Variants in GUCY1A1 observed in about 807,000 individuals in gnomAD.
GUCY1A1 encodes guanylate cyclase soluble subunit alpha-1.
A neutral mutation model predicts 64.5 loss-of-function variants in GUCY1A1; 48 were observed. The observed-to-expected ratio is 0.74, with a 90% confidence interval of 0.59 to 0.95. The LOEUF is 0.95. GUCY1A1 is among the 40% of genes least tolerant of loss of function. GUCY1A1 has a pLI of 0.00. For missense variants in GUCY1A1, 804 were observed against 825.3 expected (o/e 0.97, Z 0.32); for synonymous variants, 308 against 303.4 (o/e 1.02, Z -0.16).
chr4:155,725,548 C>T (rs1344289564), intron 9 of GUCY1A1, among the ~76,000 whole-genome samples: 3 of 152,058 alleles, frequency 2.0e-5, no homozygotes, highest in African/African-American at 7.2e-5. Flanking sequence ...AGGAATCCTA[C>T]CTTAAAACAA....
rs902157977 is a variant in GUCY1A1 at position 155,730,602 on chromosome 4, T to A, written c.*371T>A. On this transcript the variant is annotated 3_prime_UTR_variant, in exon 10 of 10. Coordinates refer to ENST00000506455, the MANE Select transcript of GUCY1A1 (RefSeq NM_001130682.3). Reference sequence around the variant, plus strand: ...TGGTGGAATGCCATGGTTATTAAAGTGTGTTTGTGATAGTGTCGTCAAAAA... The same window carrying A: ...TGGTGGAATGCCATGGTTATTAAAGAGTGTTTGTGATAGTGTCGTCAAAAA... The A allele has an allele frequency of 1.2e-5, 2 of 160,542 alleles. No homozygotes were observed. Among genetic ancestry groups the A allele is most frequent in the Admixed American group, 6.2e-5 (1 of 16,094 alleles). The allele number at this position is 160,542 out of a possible 1,614,324, so 9.9% of individuals were successfully genotyped here. A position where few individuals can be genotyped will look rare whatever the true frequency, so the allele number is the denominator to read the frequency against.
intron 3 of GUCY1A1, among the ~76,000 whole-genome samples, chr4:155,700,944 T>C (rs948356766): frequency 1.3e-5 from 2 of 152,218 alleles, no homozygotes; most frequent in Non-Finnish European, 2.9e-5. Flanking sequence ...TGTTGGGGTA[T>C]GGAGCAGTCC....
chr4:155,709,784 G>A (rs987777473), intron 5 of GUCY1A1, among the ~76,000 whole-genome samples: 2 of 151,970 alleles, frequency 1.3e-5, no homozygotes, highest in African/African-American at 4.8e-5. Flanking sequence ...AGTGAGCCGA[G>A]ATCGCACCAC....
intron 3 of GUCY1A1, among the ~76,000 whole-genome samples, chr4:155,697,710 T>C (rs150470257): frequency 3.9e-5 from 6 of 152,318 alleles, no homozygotes; most frequent in Non-Finnish European, 7.3e-5. Context: ...GTCATGAGCC[T>C]GTGATTGCCT....
Position 155,731,142 on chromosome 4 carries a change from A to G in GUCY1A1, c.*911A>G, listed in dbSNP as rs1281721393. 2.0e-5 allele frequency: 3 copies of G among 152,464 alleles called. No homozygotes were observed. Among genetic ancestry groups the G allele is most frequent in the Non-Finnish European group, 4.4e-5 (3 of 67,866 alleles). 9.4% of individuals were successfully genotyped at this position (152,464 alleles called of 1,614,324 possible). A position where few individuals can be genotyped will look rare whatever the true frequency, so the allele number is the denominator to read the frequency against. ...GACCCACCATAAAGGACATTGGTAA[A>G]ACATTTACACACGTAAACACACGTG... On this transcript the variant is annotated 3_prime_UTR_variant, in exon 10 of 10. Transcript: ENST00000506455.
intron 9 of GUCY1A1, among the ~76,000 whole-genome samples, chr4:155,729,330 G>A (rs576350632): frequency 1.3e-5 from 2 of 151,862 alleles, no homozygotes; most frequent in African/African-American, 4.8e-5. Context: ...GATGCCAATA[G>A]CTTAATCAGT....
intron 2 of GUCY1A1, among the ~76,000 whole-genome samples, chr4:155,670,987 A>G (rs544861761): frequency 1.3e-5 from 2 of 152,270 alleles, no homozygotes; most frequent in East Asian, 1.9e-4. Context: ...GCTATGTCAC[A>G]TGACATTGAA....
chr4:155,711,321 A>G (rs182354419), intron 6 of GUCY1A1, 70 bp downstream of exon 6: 378 of 749,680 alleles, frequency 5.0e-4, no homozygotes, highest in Non-Finnish European at 7.7e-4. Context: ...ACAAAAGGGT[A>G]AAAATATATG....
At chr4:155,724,109 G>A (rs544750285) in intron 9 of GUCY1A1, among the ~76,000 whole-genome samples, 2 of 152,130 alleles carry the variant, frequency 1.3e-5, no homozygotes, top group Admixed American at 1.3e-4. Context: ...AGCTACCCCA[G>A]TACTCATCTC....
At chr4:155,722,534 C>A (rs2126949631) in intron 9 of GUCY1A1, 1 of 694,152 alleles carries the variant, frequency 1.4e-6, no homozygotes, top group Non-Finnish European at 1.8e-6. Context: ...TGGCAGTAAA[C>A]ACCCAGACTC....
intron 4 of GUCY1A1, among the ~76,000 whole-genome samples, chr4:155,706,899 T>C (rs1489742331): frequency 6.6e-6 from 1 of 152,192 alleles, no homozygotes; most frequent in Non-Finnish European, 1.5e-5. Context: ...CAGTTAAAAC[T>C]GCAAAAAAAT....
chr4:155,691,974 A>T (rs781755536), intron 2 of GUCY1A1, among the ~76,000 whole-genome samples: 1 of 152,010 alleles, frequency 6.6e-6, no homozygotes, highest in Admixed American at 6.5e-5. Context: ...GGCCCCAGTG[A>T]GTGTTGTTCC....
intron 2 of GUCY1A1, among the ~76,000 whole-genome samples, chr4:155,681,708 C>T (rs1735801149): frequency 6.6e-6 from 1 of 152,154 alleles, no homozygotes; most frequent in Non-Finnish European, 1.5e-5. Flanking sequence ...AGTCCTTAAA[C>T]ATGAGGATTC....
chr4:155,718,894 A>C (rs2126919909), intron 8 of GUCY1A1, among the ~76,000 whole-genome samples: 1 of 152,302 alleles, frequency 6.6e-6, no homozygotes, highest in East Asian at 1.9e-4. Flanking sequence ...GTATGTTTTA[A>C]AAGCATCACA....
rs976089716 is a variant in GUCY1A1 at position 155,730,686 on chromosome 4, C to T, written c.*455C>T. 6.5e-6 allele frequency: 1 copy of T among 153,910 alleles called. No homozygotes were observed. The highest frequency in any genetic ancestry group is 1.5e-5 in the Non-Finnish European group (1 of 68,356). 9.5% of individuals were successfully genotyped at this position (153,910 alleles called of 1,614,324 possible). ...ACCCTCAGTTCTTTCAAACTTTCAA[C>T]TCTGCATTTTATTGCATTTTCTCAT... On this transcript the variant is annotated 3_prime_UTR_variant, in exon 10 of 10. Coordinates refer to ENST00000506455, the MANE Select transcript of GUCY1A1 (RefSeq NM_001130682.3).
intron 2 of GUCY1A1, among the ~76,000 whole-genome samples, chr4:155,684,821 T>G (rs1030651947): frequency 2.0e-5 from 3 of 152,160 alleles, no homozygotes; most frequent in African/African-American, 7.2e-5. Context: ...GGAGTCTCCT[T>G]AGAGTTCACT....
chr4:155,736,336 T>A lies in GUCY1A1; in HGVS notation c.*6105T>A, dbSNP rs1317076670. 1.3e-5 allele frequency: 2 copies of A among 151,936 alleles called. No individual in the cohort carries two copies. The highest frequency in any genetic ancestry group is 4.8e-5 in the African/African-American group (2 of 41,396). 9.4% of individuals were successfully genotyped at this position (151,936 alleles called of 1,614,324 possible). A position where few individuals can be genotyped will look rare whatever the true frequency, so the allele number is the denominator to read the frequency against. ...TTGGCTAGTGGGTCTTCACTTTTAT[T>A]GCTTTGAGAAATGGATAAAAGACAT... On this transcript the variant is annotated 3_prime_UTR_variant, in exon 10 of 10. Transcript: ENST00000506455.
chr4:155,670,595 A>G (rs1056076929), intron 2 of GUCY1A1, among the ~76,000 whole-genome samples: 8 of 152,200 alleles, frequency 5.3e-5, no homozygotes, highest in African/African-American at 1.9e-4. Context: ...GGGTGAAAGA[A>G]GAGCTGTAGA....
chr4:155,699,071 T>C (rs559017932), intron 3 of GUCY1A1, among the ~76,000 whole-genome samples: 55 of 152,046 alleles, frequency 3.6e-4, no homozygotes, highest in Admixed American at 1.4e-3. Context: ...TACTGTAGAT[T>C]TATTTATTTA....
Sources: gnomAD v4.1 joint callset for allele counts (sites outside exome capture counted in the v4.1 genomes callset) on GRCh38, gnomAD v4.1.1 for gene constraint, MANE v1.5 for transcripts, NCBI Gene and HGNC (gene_info 2026-07-23, HGNC 2026-07-21) for gene names.